C3orf49: variants seen among roughly 807,000 people sequenced by gnomAD.
C3orf49 encodes putative uncharacterized protein C3orf49.
A neutral mutation model predicts 13.3 loss-of-function variants in C3orf49; 27 were observed. That is an observed-to-expected ratio of 2.02 (90% confidence interval 1.49 to 2.79). The LOEUF (loss-of-function observed/expected upper bound fraction) is 2.79, where lower values mean the gene tolerates loss of function less well. C3orf49 is among the 30% of genes most tolerant of loss of function. The pLI, the probability that C3orf49 is intolerant of heterozygous loss-of-function variation, is 0.00. For missense variants in C3orf49, 242 were observed against 134.2 expected, an observed-to-expected ratio of 1.80 and a Z score of -3.97; for synonymous variants, 87 against 47.6, an observed-to-expected ratio of 1.83 and a Z score of -3.40.
intron 6 of C3orf49, among the ~76,000 whole-genome samples, chr3:63,846,565 G>A (rs983290653): frequency 2.6e-5 from 4 of 151,928 alleles, no homozygotes; most frequent in African/African-American, 4.8e-5. Flanking sequence ...CCACCACCAC[G>A]CCAGGCTAAT....
At chr3:63,793,383 T>C in the C3orf49 span, among the ~76,000 whole-genome samples, 1 of 151,984 alleles carries the variant, frequency 6.6e-6, no homozygotes, top group Admixed American at 6.6e-5. Context: ...CCTCAAAAAT[T>C]TAGTCTCTCA....
At chr3:63,807,112 C>T in the C3orf49 span, among the ~76,000 whole-genome samples, 2 of 152,016 alleles carry the variant, frequency 1.3e-5, no homozygotes, top group Non-Finnish European at 2.9e-5. Flanking sequence ...CCACCACGCC[C>T]GGCTAATTTT....
chr3:63,811,456 G>T, the C3orf49 span, among the ~76,000 whole-genome samples: 2 of 152,082 alleles, frequency 1.3e-5, no homozygotes, highest in African/African-American at 2.4e-5. Flanking sequence ...TACTCCGGAG[G>T]CTGAGGAAGG....
chr3:63,790,054 T>C, the C3orf49 span, among the ~76,000 whole-genome samples: 1 of 152,210 alleles, frequency 6.6e-6, no homozygotes, highest in Admixed American at 6.5e-5. Flanking sequence ...ATTGTCCTTA[T>C]AGCCAGCTAT....
intron 5 of C3orf49, 168 bp downstream of exon 5, chr3:63,832,012 G>T: frequency 1.8e-6 from 1 of 545,354 alleles, no homozygotes; most frequent in Non-Finnish European, 3.2e-6. Context: ...TGGCCAACAT[G>T]GTGAAACCCT....
At chr3:63,833,789 C>T (rs1348403215) in intron 5 of C3orf49, 1 of 189,744 alleles carries the variant, frequency 5.3e-6, no homozygotes, top group East Asian at 1.4e-4. Flanking sequence ...ATGCCAACTT[C>T]TAACAATTTT....
intron 5 of C3orf49, chr3:63,836,499 A>AT (rs772877607): frequency 6.7e-6 from 5 of 746,154 alleles, no homozygotes; most frequent in Non-Finnish European, 1.1e-5. Context: ...GAGTATTGCC[A>AT]GTTTTAGTTA....
At chr3:63,847,322 C>A (rs1401178467) in intron 6 of C3orf49, among the ~76,000 whole-genome samples, 1 of 152,158 alleles carries the variant, frequency 6.6e-6, no homozygotes, top group Non-Finnish European at 1.5e-5. Context: ...CAGGTTTTAA[C>A]CATGGCCATT....
the C3orf49 span, among the ~76,000 whole-genome samples, chr3:63,807,621 C>T: frequency 2.0e-5 from 3 of 151,892 alleles, no homozygotes; most frequent in African/African-American, 4.8e-5. Flanking sequence ...TTTGCAAGGT[C>T]GAGACCAGTG....
intron 5 of C3orf49, chr3:63,833,906 G>T: frequency 2.2e-6 from 1 of 446,560 alleles, no homozygotes; most frequent in Non-Finnish European, 3.9e-6. Flanking sequence ...ATTTTTGGAT[G>T]TTGCTTCCTA....
At chr3:63,825,254 A>G (rs1384346713) in intron 2 of C3orf49, among the ~76,000 whole-genome samples, 2 of 151,858 alleles carry the variant, frequency 1.3e-5, no homozygotes, top group Non-Finnish European at 2.9e-5. Context: ...TATACATACA[A>G]CCTCACATTT....
the C3orf49 span, among the ~76,000 whole-genome samples, chr3:63,804,560 T>C: frequency 6.6e-6 from 1 of 152,214 alleles, no homozygotes; most frequent in Admixed American, 6.5e-5. Context: ...CTATGCATTC[T>C]GCAGATTGCT....
In C3orf49 at chr3:63,831,186, G is replaced by A. The variant is rs201698664; in HGVS notation, c.647G>A (p.Arg216Gln). The change falls in exon 4 of 7, where the codon CGA becomes CAA. Residue 216 changes from arginine (R) to glutamine (Q), a missense_variant. Transcript: ENST00000295896. ...KKKRGMENIL[R>Q]KSDLTVGKLQ... ...AAGCGTGGCATGGAAAACATCCTTC[G>A]AAAATCAGATTTGACAGTAGGAAAG... 1.1e-3 allele frequency: 806 copies of A among 702,840 alleles called. 1 individual carries two copies. Among genetic ancestry groups the A allele is most frequent in the Non-Finnish European group, 1.8e-3 (697 of 384,962 alleles). 43.5% of individuals were successfully genotyped at this position (702,840 alleles called of 1,614,324 possible).
chr3:63,799,466 A>G, the C3orf49 span, among the ~76,000 whole-genome samples: 6 of 152,086 alleles, frequency 3.9e-5, no homozygotes, highest in African/African-American at 1.4e-4. Flanking sequence ...CAATTGTGTA[A>G]TTTTTAGCCA....
the C3orf49 span, among the ~76,000 whole-genome samples, chr3:63,792,221 A>C: frequency 6.6e-6 from 1 of 152,244 alleles, no homozygotes; most frequent in African/African-American, 2.4e-5. Flanking sequence ...TATGAAGTAA[A>C]CAACTGCCCC....
At chr3:63,814,606 T>C (rs922832900), upstream of C3orf49, among the ~76,000 whole-genome samples, 6 of 152,080 alleles carry the variant, frequency 3.9e-5, no homozygotes, top group African/African-American at 1.4e-4. Context: ...TTTTTGGCTT[T>C]TCAGAGGGAC....
intron 5 of C3orf49, chr3:63,835,487 T>A: frequency 3.6e-6 from 4 of 1,097,524 alleles, no homozygotes; most frequent in Admixed American, 4.7e-5. Flanking sequence ...ATTTTTAAAA[T>A]AAAAAAAGGG....
intron 5 of C3orf49, chr3:63,837,903 C>G: frequency 7.3e-7 from 1 of 1,370,922 alleles, no homozygotes; most frequent in Non-Finnish European, 9.9e-7. Context: ...TTTTACCTCA[C>G]AACATTAAAA....
At chr3:63,821,424 C>G (rs763406549) in intron 1 of C3orf49, among the ~76,000 whole-genome samples, 10 of 151,944 alleles carry the variant, frequency 6.6e-5, no homozygotes, top group African/African-American at 2.2e-4. Context: ...TTTAATACAA[C>G]GTAATAGCAT....
Sources: allele counts gnomAD v4.1 joint callset (sites outside exome capture counted in the v4.1 genomes callset), GRCh38; gene constraint gnomAD v4.1.1; transcripts MANE v1.5; gene names NCBI Gene and HGNC (gene_info 2026-07-23, HGNC 2026-07-21).